The following GNA14 variants were observed in gnomAD, a reference collection of about 807,000 sequenced individuals.
GNA14 encodes guanine nucleotide-binding protein subunit alpha-14.
In GNA14, 50 loss-of-function variants were observed where a neutral mutation model predicts 42.0. That is an observed-to-expected ratio of 1.19 (90% CI 0.95 to 1.51). The LOEUF (loss-of-function observed/expected upper bound fraction) is 1.51. Among genes scored for constraint, GNA14 ranks in the 40% most tolerant of loss-of-function variants. The pLI is 0.00. For missense variants in GNA14, 473 were observed against 446.2 expected, an observed-to-expected ratio of 1.06 and a Z score of -0.54; for synonymous variants, 173 against 163.1, an observed-to-expected ratio of 1.06 and a Z score of -0.46.
At chr9:77,464,371 G>A (rs1587777311) in intron 2 of GNA14, among the ~76,000 whole-genome samples, 1 of 149,994 alleles carries the variant, frequency 6.7e-6, no homozygotes. Context: ...GTGTGTGTGT[G>A]TGTGTGTGTG....
At chr9:77,532,113 C>G (rs909239071) in intron 1 of GNA14, among the ~76,000 whole-genome samples, 2 of 152,032 alleles carry the variant, frequency 1.3e-5, no homozygotes, top group East Asian at 3.8e-4. Context: ...CATCACCCAG[C>G]TAGTGTATTT....
At chr9:77,535,899 T>G (rs917522655) in intron 1 of GNA14, among the ~76,000 whole-genome samples, 32 of 151,920 alleles carry the variant, frequency 2.1e-4, no homozygotes, top group African/African-American at 5.1e-4. Context: ...TTTGTTTTTT[T>G]TTTTTTTCCA....
chr9:77,470,347 G>A (rs1836309586), intron 2 of GNA14, among the ~76,000 whole-genome samples: 1 of 152,160 alleles, frequency 6.6e-6, no homozygotes, highest in Admixed American at 6.5e-5. Context: ...AGGAAGAGAA[G>A]AATAGGAGGC....
rs781412050 is a variant in GNA14, at chr9:77,431,356, A to C, written c.558T>G (p.Ile186Met). The C allele has an allele frequency of 1.2e-6, 2 of 1,612,092 alleles. No homozygotes were observed. The highest frequency in any genetic ancestry group is 4.5e-5 in the East Asian group (2 of 44,878). ...TGTTTTCCAAGTCAAATGGATACTC[A>C]ATGATGCCGGTGGTGGGCACTCGGA... ...LRVRVPTTGI[I>M]EYPFDLENII... The change falls in exon 4 of 7, where the codon ATT (isoleucine) becomes ATG (methionine). Residue 186 changes from isoleucine to methionine, a missense_variant. Transcript: ENST00000341700.
intron 1 of GNA14, among the ~76,000 whole-genome samples, chr9:77,601,717 A>AC (rs1177948751): frequency 6.6e-6 from 1 of 152,126 alleles, no homozygotes; most frequent in African/African-American, 2.4e-5. Flanking sequence ...TACATAAGCT[A>AC]CCTTGTTGTC....
At chr9:77,535,082 A>T (rs1837577427) in intron 1 of GNA14, among the ~76,000 whole-genome samples, 1 of 152,174 alleles carries the variant, frequency 6.6e-6, no homozygotes, top group African/African-American at 2.4e-5. Context: ...TTTAGGAAGG[A>T]GCGTTTCTCA....
At chr9:77,447,525 T>C (rs1467181988) in intron 2 of GNA14, among the ~76,000 whole-genome samples, 2 of 152,168 alleles carry the variant, frequency 1.3e-5, no homozygotes, top group Non-Finnish European at 2.9e-5. Flanking sequence ...CCAGACATGG[T>C]ATTATTAGAG....
chr9:77,598,572 A>C (rs1223492004), intron 1 of GNA14, among the ~76,000 whole-genome samples: 4 of 152,174 alleles, frequency 2.6e-5, no homozygotes, highest in Non-Finnish European at 4.4e-5. Context: ...GAGAAAACAT[A>C]AGACGCAACT....
At chr9:77,475,179 G>A (rs1303177462) in intron 2 of GNA14, among the ~76,000 whole-genome samples, 1 of 151,958 alleles carries the variant, frequency 6.6e-6, no homozygotes, top group African/African-American at 2.4e-5. Flanking sequence ...ACATAATAAT[G>A]GAATGCCACA....
intron 2 of GNA14, among the ~76,000 whole-genome samples, chr9:77,507,065 T>G (rs922948745): frequency 6.6e-6 from 1 of 152,214 alleles, no homozygotes; most frequent in Non-Finnish European, 1.5e-5. Context: ...CATTTCCCAG[T>G]TGAAAGTAAG....
chr9:77,599,716 C>T (rs894052042), intron 1 of GNA14, among the ~76,000 whole-genome samples: 4 of 152,156 alleles, frequency 2.6e-5, no homozygotes, highest in East Asian at 3.9e-4. Context: ...CTGGGCAGCG[C>T]GCTGACATGC....
In GNA14 at chr9:77,428,968, G is replaced by C; in HGVS notation, c.662C>G (p.Ser221Cys). Residue 221 changes from serine (S) to cysteine (C), a missense_variant, in exon 5 of 7, where the codon TCC (serine) becomes TGC (cysteine). By Grantham distance (112) the Ser-to-Cys change is moderately radical (BLOSUM62 -1). Coordinates refer to ENST00000341700, the MANE Select transcript of GNA14 (RefSeq NM_004297.4). ...KWIHCFESVT[S>C]IIFLVALSEY... ...ACTCAGAGCAACCAAGAAAATAATG[G>C]AGGTGACACTCTCAAAGCAGTGAAT... 3 of 1,613,814 alleles carry C rather than the reference G, an allele frequency of 1.9e-6. No individual in the cohort carries two copies. The highest frequency in any genetic ancestry group is 2.5e-6 in the Non-Finnish European group (3 of 1,179,740).
At chr9:77,624,391 A>G (rs12335949) in intron 1 of GNA14, among the ~76,000 whole-genome samples, 42,450 of 152,106 alleles carry the variant, frequency 0.28, 6,836 homozygotes, top group African/African-American at 0.44. Context: ...AGAGGACAGC[A>G]GATCTCCCAG....
At position 77,503,727 on chromosome 9, in the gene GNA14, G is replaced by A. The variant is rs536803410; in HGVS notation, c.309+25342C>T. 4.8e-5 allele frequency among the ~76,000 whole-genome samples: 7 copies of A among 144,828 alleles called. No homozygotes were observed. In the East Asian group the frequency reaches 1.0e-3, roughly 21 times the overall value. On this transcript the variant is annotated intron_variant, in intron 2 of 6. Coordinates refer to ENST00000341700, the MANE Select transcript of GNA14 (RefSeq NM_004297.4). ...GGCTGGAGTGCAGTGGTGTGATCTC[G>A]GCTCACTGCAGCCTCCACCCACCGA...
In GNA14 at chr9:77,602,391, G is replaced by GC. The variant is rs541159367; in HGVS notation, c.124+45278dup. Among the ~76,000 whole-genome samples, 15 of 152,304 alleles carry GC rather than the reference G, an allele frequency of 9.8e-5. No individual in the cohort carries two copies. In the East Asian group the frequency reaches 2.7e-3, roughly 27 times the overall value. Reference sequence around the variant, plus strand: ...ACCATTTTCTGACCGCATAGCAAATGCAACTACCAATGGGTTTCAATGAAC... The same window carrying GC: ...ACCATTTTCTGACCGCATAGCAAATGCCAACTACCAATGGGTTTCAATGAAC... On this transcript the variant is annotated intron_variant, in intron 1 of 6. Coordinates refer to ENST00000341700, the MANE Select transcript of GNA14 (RefSeq NM_004297.4).
chr9:77,568,468 G>A (rs1248616390), intron 1 of GNA14, among the ~76,000 whole-genome samples: 3 of 150,038 alleles, frequency 2.0e-5, no homozygotes, highest in African/African-American at 7.4e-5. Flanking sequence ...CTCCAGCCTG[G>A]GTGACAGAGA....
chr9:77,530,345 C>T (rs1342182940), intron 1 of GNA14, among the ~76,000 whole-genome samples: 1 of 152,174 alleles, frequency 6.6e-6, no homozygotes, highest in African/African-American at 2.4e-5. Flanking sequence ...ACATGAAGTT[C>T]CTGCTCCCCC....
At chr9:77,638,587 AG>A (rs1335081196) in intron 1 of GNA14, among the ~76,000 whole-genome samples, 1 of 152,248 alleles carries the variant, frequency 6.6e-6, no homozygotes, top group Admixed American at 6.5e-5. Context: ...AAAAACACAA[AG>A]GTGAGTTTGG....
intron 2 of GNA14, among the ~76,000 whole-genome samples, chr9:77,451,892 C>T (rs1386780389): frequency 6.6e-6 from 1 of 152,194 alleles, no homozygotes; most frequent in Non-Finnish European, 1.5e-5. Flanking sequence ...CAAAAAATCC[C>T]AACCGAGCAA....
Sources: allele counts gnomAD v4.1 joint callset (sites outside exome capture counted in the v4.1 genomes callset), GRCh38; gene constraint gnomAD v4.1.1; transcripts MANE v1.5; gene names NCBI Gene and HGNC (gene_info 2026-07-23, HGNC 2026-07-21).